ARHGEF26: variants seen among roughly 807,000 people sequenced by gnomAD.
ARHGEF26 encodes Rho guanine nucleotide exchange factor (GEF) 26.
In ARHGEF26, 59 loss-of-function variants were observed where a neutral mutation model predicts 89.4. The observed-to-expected ratio is 0.66, with a 90% confidence interval of 0.54 to 0.82. The LOEUF (loss-of-function observed/expected upper bound fraction) is 0.82, where lower values mean the gene tolerates loss of function less well. Among genes scored for constraint, ARHGEF26 ranks in the 40% least tolerant of loss-of-function variants. The probability of loss-of-function intolerance (pLI) is 0.00; values close to 1 mark genes in which losing one functional copy is unlikely to be tolerated. For synonymous variants in ARHGEF26, 500 were observed against 428.4 expected (o/e 1.17, Z -2.06); for missense variants, 1,234 against 1,085.6 (o/e 1.14, Z -1.92).
rs112488372 is a variant in ARHGEF26 at position 154,224,886 on chromosome 3, C to G, written c.1936-970C>G. On this transcript the variant is annotated intron_variant, in intron 10 of 14. Transcript: ENST00000465093. ...TCCTTTCTTAGCCTTCTCATTTCCT[C>G]TCTAATATCCTCAATTTCCTTTAGC... Among the ~76,000 whole-genome samples, 213 of 152,266 alleles carry G rather than the reference C, an allele frequency of 1.4e-3. 2 individuals carry two copies. Among genetic ancestry groups the G allele is most frequent in the African/African-American group, 4.9e-3 (203 of 41,568 alleles).
intron 5 of ARHGEF26, among the ~76,000 whole-genome samples, chr3:154,150,326 G>A (rs1246351626): frequency 6.6e-6 from 1 of 151,722 alleles, no homozygotes. Context: ...AGTGTAGAAG[G>A]CCTGCATTCT....
intron 11 of ARHGEF26, among the ~76,000 whole-genome samples, chr3:154,231,363 G>A (rs543725870): frequency 6.6e-6 from 1 of 152,114 alleles, no homozygotes; most frequent in Admixed American, 6.6e-5. Flanking sequence ...GCACAATATC[G>A]ATGCCTGGGG....
intron 12 of ARHGEF26, among the ~76,000 whole-genome samples, chr3:154,241,462 G>A (rs1427490859): frequency 2.0e-5 from 3 of 152,212 alleles, no homozygotes; most frequent in African/African-American, 7.2e-5. Flanking sequence ...CTTAGAGAAA[G>A]TGATCCCAAA....
At chr3:154,242,322 G>A (rs1344559234) in intron 12 of ARHGEF26, among the ~76,000 whole-genome samples, 1 of 152,180 alleles carries the variant, frequency 6.6e-6, no homozygotes, top group South Asian at 2.1e-4. Flanking sequence ...CATGGGAGGA[G>A]ATCAACATAT....
rs571299519 is a variant in ARHGEF26, at chr3:154,206,896, T to C, written c.1846-10973T>C. The stretch of plus-strand genomic sequence containing the variant: ...GGCTACAGTATCCAAAACAGCATGG[T>C]ACTGGTACAAAAACTGACACAAAGA... On this transcript the variant is annotated intron_variant, in intron 9 of 14. Coordinates refer to ENST00000465093, the MANE Select transcript of ARHGEF26 (RefSeq NM_015595.4). Among the ~76,000 whole-genome samples the C allele has an allele frequency of 5.5e-4, 83 of 152,234 alleles. 2 individuals carry two copies. The South Asian group carries it at 0.017, about 30-fold the overall frequency.
In ARHGEF26 at chr3:154,217,937, C is replaced by A; in HGVS notation, c.1914C>A (p.Ser638=). ...CTGAGATGATGTACACAATTAACTC[C>A]CAGCTGGAATTTAAAATTAAGGTAT... is the stretch of plus-strand genomic sequence containing the variant. The part of the protein sequence containing the change: ...ERTEMMYTIN[S]QLEFKIKPFP... Residue 638 remains serine (S), a synonymous_variant, in exon 10 of 15, where the codon TCC becomes TCA. Coordinates refer to ENST00000465093, the MANE Select transcript of ARHGEF26 (RefSeq NM_015595.4). The A allele has an allele frequency of 6.3e-7, 1 of 1,595,062 alleles. No homozygotes were observed. The highest frequency in any genetic ancestry group is 8.5e-7 in the Non-Finnish European group (1 of 1,170,246).
intron 10 of ARHGEF26, among the ~76,000 whole-genome samples, chr3:154,225,365 T>C (rs1434970528): frequency 2.0e-5 from 3 of 152,196 alleles, no homozygotes; most frequent in Non-Finnish European, 4.4e-5. Context: ...ATGTAGGTTT[T>C]TTTCTCTTGA....
intron 12 of ARHGEF26, among the ~76,000 whole-genome samples, chr3:154,251,975 G>T (rs548059193): frequency 2.0e-5 from 3 of 152,214 alleles, no homozygotes; most frequent in African/African-American, 7.2e-5. Context: ...ATAATGAGTG[G>T]GCTTATCTAC....
At chr3:154,185,352 T>C (rs1713459268) in intron 6 of ARHGEF26, among the ~76,000 whole-genome samples, 1 of 152,134 alleles carries the variant, frequency 6.6e-6, no homozygotes, top group Admixed American at 6.5e-5. Flanking sequence ...GGTCCCCAGG[T>C]TACCCACACT....
intron 4 of ARHGEF26, among the ~76,000 whole-genome samples, chr3:154,148,899 A>C (rs1719840639): frequency 6.6e-6 from 1 of 152,226 alleles, no homozygotes; most frequent in African/African-American, 2.4e-5. Context: ...AAACACATGA[A>C]AACTGGTACA....
chr3:154,129,472 TA>T lies in ARHGEF26; in HGVS notation c.1124-98del. On this transcript the variant is annotated intron_variant, in intron 3 of 14. Transcript: ENST00000465093. ...CTAAATCTGTTTGTCTCTCTGTTTA[TA>T]AAATTGGAGGCCAAACATTGGGTAC... 3.1e-6 allele frequency: 4 copies of T among 1,271,760 alleles called. 1 individual carries two copies. The South Asian group carries it at 6.4e-5, about 20-fold the overall frequency. 78.8% of individuals were successfully genotyped at this position (1,271,760 alleles called of 1,614,324 possible). A position where few individuals can be genotyped will look rare whatever the true frequency, so the allele number is the denominator to read the frequency against.
At chr3:154,236,644 C>T (rs1396531459) in intron 11 of ARHGEF26, among the ~76,000 whole-genome samples, 1 of 152,172 alleles carries the variant, frequency 6.6e-6, no homozygotes, top group Non-Finnish European at 1.5e-5. Flanking sequence ...CCCTGTTTAG[C>T]CTGCTCCATA....
At chr3:154,201,480 T>G (rs922936722) in intron 9 of ARHGEF26, among the ~76,000 whole-genome samples, 1 of 152,162 alleles carries the variant, frequency 6.6e-6, no homozygotes, top group Non-Finnish European at 1.5e-5. Context: ...GCATGTGTCT[T>G]TATAGCAGCA....
intron 7 of ARHGEF26, among the ~76,000 whole-genome samples, chr3:154,190,173 G>T (rs1713867232): frequency 6.6e-6 from 1 of 152,118 alleles, no homozygotes; most frequent in Non-Finnish European, 1.5e-5. Flanking sequence ...TGAGGTAAGA[G>T]AGTGAGAAAT....
intron 6 of ARHGEF26, among the ~76,000 whole-genome samples, chr3:154,170,013 C>A (rs1712317569): frequency 6.6e-6 from 1 of 151,816 alleles, no homozygotes; most frequent in African/African-American, 2.4e-5. Flanking sequence ...TGTTTTATTT[C>A]TTTTCATTCT....
Position 154,256,847 on chromosome 3 carries a change from G to A in ARHGEF26, c.*1374G>A. ...TCCCTCTTAACTGTGAGTTTCTATA[G>A]AACTTTACTTTTTCCACTAGTGCAC... On this transcript the variant is annotated 3_prime_UTR_variant, in exon 15 of 15. Transcript: ENST00000465093. 6.5e-7 allele frequency: 1 copy of A among 1,532,222 alleles called. No individual in the cohort carries two copies. The highest frequency in any genetic ancestry group is 1.7e-4 in the Middle Eastern group (1 of 5,964). The allele number at this position is 1,532,222 out of a possible 1,614,324, so 94.9% of individuals were successfully genotyped here.
In ARHGEF26 at chr3:154,256,144, A is replaced by G. The variant is rs1006497030; in HGVS notation, c.*671A>G. 14 of 985,118 alleles carry G rather than the reference A, an allele frequency of 1.4e-5. No homozygotes were observed. The highest frequency in any genetic ancestry group is 1.7e-5 in the Non-Finnish European group (14 of 829,270). The allele number at this position is 985,118 out of a possible 1,614,324, so 61.0% of individuals were successfully genotyped here. A position where few individuals can be genotyped will look rare whatever the true frequency, so the allele number is the denominator to read the frequency against. ...CCATCTCACCCCATATTGTTCTTAAATAAGTATAGACTAATTAACCTAAGC... is the reference window on the plus strand; with the variant it reads ...CCATCTCACCCCATATTGTTCTTAAGTAAGTATAGACTAATTAACCTAAGC... On this transcript the variant is annotated 3_prime_UTR_variant, in exon 15 of 15. Coordinates refer to ENST00000465093, the MANE Select transcript of ARHGEF26 (RefSeq NM_015595.4).
intron 6 of ARHGEF26, among the ~76,000 whole-genome samples, chr3:154,159,634 T>G (rs1354927568): frequency 6.6e-6 from 1 of 152,150 alleles, no homozygotes; most frequent in African/African-American, 2.4e-5. Flanking sequence ...TGCTTTAATA[T>G]TATTTTATGA....
At chr3:154,190,628 C>G (rs576336313) in intron 7 of ARHGEF26, among the ~76,000 whole-genome samples, 1 of 152,216 alleles carries the variant, frequency 6.6e-6, no homozygotes, top group Non-Finnish European at 1.5e-5. Context: ...GAATCCCTAT[C>G]TGGCCTTCCT....
Sources: allele counts gnomAD v4.1 joint callset (sites outside exome capture counted in the v4.1 genomes callset), GRCh38; gene constraint gnomAD v4.1.1; transcripts MANE v1.5; gene names NCBI Gene and HGNC (gene_info 2026-07-23, HGNC 2026-07-21).